TMEM132B: variants seen among roughly 807,000 people sequenced by gnomAD.
TMEM132B encodes the protein transmembrane protein 132B.
In TMEM132B, 18 loss-of-function variants were observed where a neutral mutation model predicts 90.8. That is an observed-to-expected ratio of 0.20 (90% confidence interval 0.14 to 0.29). TMEM132B has a LOEUF of 0.29. TMEM132B is among the 10% of genes least tolerant of loss of function. The pLI is 1.00. For missense variants in TMEM132B, 1,096 were observed against 1,326.8 expected (o/e 0.83, Z 2.70); for synonymous variants, 504 against 523.3 (o/e 0.96, Z 0.50).
chr12:125,554,734 C>G (rs112264137), intron 4 of TMEM132B, among the ~76,000 whole-genome samples: 1 of 152,180 alleles, frequency 6.6e-6, no homozygotes, highest in Non-Finnish European at 1.5e-5. Flanking sequence ...TCCTCACATT[C>G]TCTTGGTTGC....
chr12:125,438,893 G>C (rs767335177), intron 3 of TMEM132B, among the ~76,000 whole-genome samples: 1 of 152,162 alleles, frequency 6.6e-6, no homozygotes, highest in African/African-American at 2.4e-5. Context: ...GATACATGTA[G>C]TTCTAGTTCT....
intron 5 of TMEM132B, among the ~76,000 whole-genome samples, chr12:125,618,311 G>T (rs1038340434): frequency 6.6e-6 from 1 of 152,144 alleles, no homozygotes; most frequent in African/African-American, 2.4e-5. Context: ...CTGCAAGTAG[G>T]GCTGGGTGGA....
intron 1 of TMEM132B, among the ~76,000 whole-genome samples, chr12:125,330,718 C>T (rs1173899471): frequency 6.6e-6 from 1 of 152,084 alleles, no homozygotes; most frequent in Non-Finnish European, 1.5e-5. Context: ...AAAAAAAATT[C>T]ACAGGCAAAT....
intron 4 of TMEM132B, among the ~76,000 whole-genome samples, chr12:125,564,370 A>C (rs1394788080): frequency 6.6e-6 from 1 of 152,156 alleles, no homozygotes; most frequent in African/African-American, 2.4e-5. Context: ...GAAAAAATAG[A>C]GAATAGGATG....
At chr12:125,607,431 A>G (rs1359381854) in intron 5 of TMEM132B, among the ~76,000 whole-genome samples, 3 of 152,194 alleles carry the variant, frequency 2.0e-5, no homozygotes, top group Middle Eastern at 3.2e-3. Flanking sequence ...AGACTGATCA[A>G]TTGGCTGCCT....
At chr12:125,399,101 C>A (rs986549508) in intron 2 of TMEM132B, among the ~76,000 whole-genome samples, 10 of 152,152 alleles carry the variant, frequency 6.6e-5, no homozygotes, top group African/African-American at 2.4e-4. Context: ...TCAAAGCCAC[C>A]CAAGAAGATA....
intron 4 of TMEM132B, among the ~76,000 whole-genome samples, chr12:125,529,865 C>T (rs1883597553): frequency 6.6e-6 from 1 of 152,222 alleles, no homozygotes; most frequent in Non-Finnish European, 1.5e-5. Context: ...GCTGCCTCAC[C>T]CAAATGAATG....
At chr12:125,502,476 A>G (rs1220834632) in intron 3 of TMEM132B, among the ~76,000 whole-genome samples, 2 of 152,246 alleles carry the variant, frequency 1.3e-5, no homozygotes, top group African/African-American at 4.8e-5. Context: ...ACAGAGATTC[A>G]TGCTAGTAAC....
chr12:125,389,474 C>T (rs1878946365), intron 2 of TMEM132B, among the ~76,000 whole-genome samples: 1 of 152,042 alleles, frequency 6.6e-6, no homozygotes, highest in Non-Finnish European at 1.5e-5. Flanking sequence ...CCTAGAGCCA[C>T]CACACTTCCT....
intron 1 of TMEM132B, among the ~76,000 whole-genome samples, chr12:125,343,784 T>TG (rs560973722): frequency 7.2e-4 from 110 of 152,340 alleles, no homozygotes; most frequent in African/African-American, 2.5e-3. Flanking sequence ...ACTTGAGAAT[T>TG]GCAGCTCTTT....
chr12:125,563,865 C>T (rs1884602019), intron 4 of TMEM132B, among the ~76,000 whole-genome samples: 1 of 152,180 alleles, frequency 6.6e-6, no homozygotes, highest in Middle Eastern at 3.2e-3. Context: ...CCAAGGAACT[C>T]CTGGAGCCAC....
intron 5 of TMEM132B, among the ~76,000 whole-genome samples, chr12:125,614,857 G>A (rs1885949222): frequency 6.6e-6 from 1 of 152,134 alleles, no homozygotes; most frequent in Non-Finnish European, 1.5e-5. Context: ...TTTCTTGTAA[G>A]GTGGGGCTGC....
intron 1 of TMEM132B, among the ~76,000 whole-genome samples, chr12:125,262,547 G>T (rs1457988710): frequency 1.3e-5 from 2 of 152,128 alleles, no homozygotes; most frequent in Non-Finnish European, 1.5e-5. Context: ...TAAGGCGTGG[G>T]CTTGCCACTT....
At position 125,349,364 on chromosome 12, in the gene TMEM132B, G is replaced by T. The variant is rs2136232372; in HGVS notation, c.68-88G>T. The T allele has an allele frequency of 3.4e-6, 5 of 1,459,446 alleles. No individual in the cohort carries two copies. Among genetic ancestry groups the T allele is most frequent in the Non-Finnish European group, 3.7e-6 (4 of 1,085,050 alleles). The allele number at this position is 1,459,446 out of a possible 1,614,324, so 90.4% of individuals were successfully genotyped here. On this transcript the variant is annotated intron_variant, in intron 1 of 8. Coordinates refer to ENST00000682704, the MANE Select transcript of TMEM132B (RefSeq NM_001366854.1). The surrounding 1 kb of genome is among the most constrained non-coding windows in gnomAD (Gnocchi z 4.1). Reference sequence around the variant, plus strand: ...AGAAACAGTGGCCAGTGGGCGGTTTGTTGGGGAGGTGGGTGGAGACTGCAC... The same window carrying T: ...AGAAACAGTGGCCAGTGGGCGGTTTTTTGGGGAGGTGGGTGGAGACTGCAC...
At chr12:125,495,927 T>C (rs1882549772) in intron 3 of TMEM132B, among the ~76,000 whole-genome samples, 1 of 152,242 alleles carries the variant, frequency 6.6e-6, no homozygotes, top group African/African-American at 2.4e-5. Context: ...AAAAATTCAG[T>C]ACTTTACTGC....
intron 6 of TMEM132B, among the ~76,000 whole-genome samples, chr12:125,647,648 G>A (rs1342039405): frequency 2.0e-5 from 3 of 152,084 alleles, no homozygotes; most frequent in African/African-American, 7.2e-5. Flanking sequence ...AACAAAAGTT[G>A]GAGAGTTTGT....
In TMEM132B at chr12:125,246,980, G is replaced by T. The variant is rs1356053983; in HGVS notation, c.67+60114G>T. On this transcript the variant is annotated intron_variant, in intron 1 of 8. Transcript: ENST00000682704. The surrounding 1 kb of genome is among the most constrained non-coding windows in gnomAD (Gnocchi z 4.2). Reference sequence around the variant, plus strand: ...CTTAAGTTATTACTATTTAAGGCTTGGGATAGTATTTTTAGAAGACATTAA... The same window carrying T: ...CTTAAGTTATTACTATTTAAGGCTTTGGATAGTATTTTTAGAAGACATTAA... Among the ~76,000 whole-genome samples, 2 of 152,084 alleles carry T rather than the reference G, an allele frequency of 1.3e-5. No homozygotes were observed. The highest frequency in any genetic ancestry group is 2.9e-5 in the Non-Finnish European group (2 of 68,032).
Position 125,634,409 on chromosome 12 carries a change from G to A in TMEM132B, c.1438-9667G>A, listed in dbSNP as rs114467057. Among the ~76,000 whole-genome samples the A allele has an allele frequency of 5.2e-3, 790 of 152,322 alleles. 6 individuals carry two copies. Among genetic ancestry groups the A allele is most frequent in the African/African-American group, 0.017 (708 of 41,558 alleles). ...ATTGAGGGCCCCAAGAGCCCACTTG[G>A]TGCTCTATCCATGTGTGGTCAAGCT... is the stretch of plus-strand genomic sequence containing the variant. On this transcript the variant is annotated intron_variant, in intron 5 of 8. Coordinates refer to ENST00000682704, the MANE Select transcript of TMEM132B (RefSeq NM_001366854.1).
intron 1 of TMEM132B, among the ~76,000 whole-genome samples, chr12:125,305,139 T>C (rs184479437): frequency 1.2e-4 from 18 of 152,150 alleles, no homozygotes; most frequent in African/African-American, 3.4e-4. Context: ...CTTACAAATA[T>C]CAGTTGCCTT....
Sources: gnomAD v4.1 joint callset for allele counts (sites outside exome capture counted in the v4.1 genomes callset) on GRCh38, gnomAD v4.1.1 for gene constraint, Gnocchi (gnomAD v3.1) non-coding constraint, MANE v1.5 for transcripts, NCBI Gene and HGNC (gene_info 2026-07-23, HGNC 2026-07-21) for gene names.